Variants in TIPARP observed in about 807,000 individuals in gnomAD.
TIPARP encodes the protein protein mono-ADP-ribosyltransferase TIPARP.
TIPARP carries 12 observed loss-of-function variants against 56.5 expected under a neutral mutation model. The ratio of observed to expected loss-of-function variants is 0.21; its 90% CI spans 0.14 to 0.34. TIPARP has a LOEUF of 0.34. Ranked by LOEUF, TIPARP falls within the 10% of genes least tolerant of loss-of-function variation. TIPARP has a pLI of 1.00. For synonymous variants in TIPARP, 296 were observed against 265.7 expected (o/e 1.11, Z -1.11); for missense variants, 604 against 781.6 (o/e 0.77, Z 2.71).
chr3:156,679,859 C>T (rs7610539), intron 2 of TIPARP, among the ~76,000 whole-genome samples: 5,840 of 152,268 alleles, frequency 0.038, 381 homozygotes, highest in African/African-American at 0.13. Flanking sequence ...TGGTAGTCTT[C>T]ATGTCAACCT....
At chr3:156,689,208 G>T (rs7651446) in intron 2 of TIPARP, among the ~76,000 whole-genome samples, 11,435 of 152,100 alleles carry the variant, frequency 0.075, 660 homozygotes, top group African/African-American at 0.16. Flanking sequence ...CTGTACGTCT[G>T]GTAATTTGTC....
Position 156,705,588 on chromosome 3 carries a change from A to C in TIPARP, c.*457A>C, listed in dbSNP as rs571587850. On this transcript the variant is annotated 3_prime_UTR_variant, in exon 6 of 6. Coordinates refer to ENST00000295924, the MANE Select transcript of TIPARP (RefSeq NM_015508.5). ...ACTACCATGCGTATTCCCTGTCCAA[A>C]GCATCACTGCTTTGGTATAGTATAA... The C allele has an allele frequency of 1.3e-5, 2 of 155,518 alleles. No individual in the cohort carries two copies. Among genetic ancestry groups the C allele is most frequent in the African/African-American group, 4.8e-5 (2 of 41,590 alleles). 9.6% of individuals were successfully genotyped at this position (155,518 alleles called of 1,614,324 possible). A position where few individuals can be genotyped will look rare whatever the true frequency, so the allele number is the denominator to read the frequency against.
intron 4 of TIPARP, among the ~76,000 whole-genome samples, chr3:156,698,103 A>G (rs1205719656): frequency 6.6e-6 from 1 of 152,234 alleles, no homozygotes; most frequent in Non-Finnish European, 1.5e-5. Flanking sequence ...GCCAAAGCCT[A>G]ATCCGGAGCA....
intron 4 of TIPARP, among the ~76,000 whole-genome samples, chr3:156,696,554 C>T (rs953705609): frequency 6.6e-6 from 1 of 152,192 alleles, no homozygotes; most frequent in Admixed American, 6.5e-5. Flanking sequence ...ACTTGTCATA[C>T]TTACTAAGAA....
chr3:156,706,339 T>C lies in TIPARP; in HGVS notation c.*1208T>C, dbSNP rs1306427776. 6.6e-6 allele frequency: 1 copy of C among 152,668 alleles called. No individual in the cohort carries two copies. Among genetic ancestry groups the C allele is most frequent in the Non-Finnish European group, 1.5e-5 (1 of 68,036 alleles). 9.5% of individuals were successfully genotyped at this position (152,668 alleles called of 1,614,324 possible). ...GTGAAAGTAGTTGTTCACAAAAGAATTCGCCATGGAATTCTTTCAGTTACC... is the reference window on the plus strand; with the variant it reads ...GTGAAAGTAGTTGTTCACAAAAGAACTCGCCATGGAATTCTTTCAGTTACC... On this transcript the variant is annotated 3_prime_UTR_variant, in exon 6 of 6. Transcript: ENST00000295924.
chr3:156,688,332 C>T (rs1577037207), intron 2 of TIPARP, among the ~76,000 whole-genome samples: 1 of 126,990 alleles, frequency 7.9e-6, no homozygotes, highest in East Asian at 2.3e-4. Flanking sequence ...GCCTAGTTGG[C>T]ACTATTGTAC....
chr3:156,680,024 A>G (rs1722254134), intron 2 of TIPARP, among the ~76,000 whole-genome samples: 1 of 152,210 alleles, frequency 6.6e-6, no homozygotes, highest in African/African-American at 2.4e-5. Context: ...GTTATATAGT[A>G]CATAAATCCA....
At position 156,678,553 on chromosome 3, in the gene TIPARP, C is replaced by T; in HGVS notation, c.856C>T (p.Gln286Ter). ...GTGGCAGAGTGTATTCAATGATTCT[C>T]AGGAGCACTTGGAAAGATTTTACTG... is the stretch of plus-strand genomic sequence containing the variant. ...QKWQSVFNDS[Q>*]EHLERFYCNP... The change falls in exon 2 of 6, where the codon CAG (glutamine) becomes TAG (stop). Residue 286 changes from glutamine to a stop codon, truncating the protein, a stop_gained. Coordinates refer to ENST00000295924, the MANE Select transcript of TIPARP (RefSeq NM_015508.5). LOFTEE classifies it high-confidence loss of function. The T allele has an allele frequency of 6.2e-7, 1 of 1,614,116 alleles. No individual in the cohort carries two copies. The highest frequency in any genetic ancestry group is 8.5e-7 in the Non-Finnish European group (1 of 1,180,006).
intron 2 of TIPARP, 67 bp downstream of exon 2, chr3:156,678,681 C>T: frequency 1.4e-6 from 2 of 1,422,522 alleles, no homozygotes; most frequent in Non-Finnish European, 1.9e-6. Flanking sequence ...AAGCTAAAAG[C>T]TTAGTAGGGT....
At chr3:156,702,586 C>A (rs979935737) in intron 4 of TIPARP, among the ~76,000 whole-genome samples, 3 of 152,140 alleles carry the variant, frequency 2.0e-5, no homozygotes, top group African/African-American at 4.8e-5. Context: ...TAGCACCTGG[C>A]CCTGAACTAG....
chr3:156,679,623 G>A (rs1182175088), intron 2 of TIPARP, among the ~76,000 whole-genome samples: 6 of 152,174 alleles, frequency 3.9e-5, no homozygotes. Flanking sequence ...CCCTGATTGG[G>A]GAGGCCATGA....
chr3:156,687,283 T>C (rs1057370303), intron 2 of TIPARP, among the ~76,000 whole-genome samples: 2 of 152,206 alleles, frequency 1.3e-5, no homozygotes, highest in African/African-American at 4.8e-5. Flanking sequence ...GGTACCTTCA[T>C]GATGCAAAAT....
chr3:156,688,005 A>G (rs1722472372), intron 2 of TIPARP, among the ~76,000 whole-genome samples: 2 of 152,208 alleles, frequency 1.3e-5, no homozygotes, highest in Admixed American at 6.5e-5. Context: ...TACCTACTCA[A>G]AAATCTTTTG....
chr3:156,676,240 G>A (rs189204332), intron 1 of TIPARP, among the ~76,000 whole-genome samples: 120 of 152,268 alleles, frequency 7.9e-4, no homozygotes, highest in African/African-American at 2.7e-3. Flanking sequence ...CTCCTTCTTC[G>A]TGAAGCTTTC....
chr3:156,705,811 C>T lies in TIPARP; in HGVS notation c.*680C>T, dbSNP rs1264758365. 1 of 152,636 alleles carries T rather than the reference C, an allele frequency of 6.6e-6. No individual in the cohort carries two copies. Among genetic ancestry groups the T allele is most frequent in the Admixed American group, 6.5e-5 (1 of 15,276 alleles). 9.5% of individuals were successfully genotyped at this position (152,636 alleles called of 1,614,324 possible). On this transcript the variant is annotated 3_prime_UTR_variant, in exon 6 of 6. Transcript: ENST00000295924. ...TTTTTGTCACCAGCAAAACTTTTCACTAATTAGTGATATGAAATGTGATTT... is the reference window on the plus strand; with the variant it reads ...TTTTTGTCACCAGCAAAACTTTTCATTAATTAGTGATATGAAATGTGATTT...
chr3:156,704,540 T>C, intron 5 of TIPARP, 144 bp from the exon 6 acceptor site: 1 of 781,630 alleles, frequency 1.3e-6, no homozygotes, highest in Non-Finnish European at 2.0e-6. Context: ...AAGATAAGTT[T>C]CAACTTTTAA....
At chr3:156,699,522 G>T (rs1354482743) in intron 4 of TIPARP, among the ~76,000 whole-genome samples, 1 of 151,976 alleles carries the variant, frequency 6.6e-6, no homozygotes, top group African/African-American at 2.4e-5. Flanking sequence ...TTTAAATTAA[G>T]GTATAAATAT....
At chr3:156,691,083 C>G (rs929583088) in intron 2 of TIPARP, among the ~76,000 whole-genome samples, 1 of 152,168 alleles carries the variant, frequency 6.6e-6, no homozygotes, top group African/African-American at 2.4e-5. Context: ...TTCCTCATCT[C>G]TCAGATACCC....
intron 2 of TIPARP, among the ~76,000 whole-genome samples, chr3:156,679,766 C>A (rs1722243534): frequency 1.3e-5 from 2 of 152,142 alleles, no homozygotes; most frequent in Non-Finnish European, 2.9e-5. Context: ...CATCTTTGTT[C>A]ACAGATATGT....
Sources: gnomAD v4.1 joint callset for allele counts (sites outside exome capture counted in the v4.1 genomes callset) on GRCh38, gnomAD v4.1.1 for gene constraint, MANE v1.5 for transcripts, NCBI Gene and HGNC (gene_info 2026-07-23, HGNC 2026-07-21) for gene names.